The following TGFB1 variants were observed in gnomAD, a reference collection of about 807,000 sequenced individuals.
The protein encoded by TGFB1 is transforming growth factor beta 1.
TGFB1 carries 19 observed loss-of-function variants against 43.8 expected under a neutral mutation model. The observed-to-expected ratio is 0.43, with a 90% CI of 0.30 to 0.64. The LOEUF (loss-of-function observed/expected upper bound fraction) is 0.64, where lower values mean the gene tolerates loss of function less well. Among genes scored for constraint, TGFB1 ranks in the 30% least tolerant of loss-of-function variants. The probability of loss-of-function intolerance (pLI) is 0.11; values close to 1 mark genes in which losing one functional copy is unlikely to be tolerated. For missense variants in TGFB1, 445 were observed against 529.8 expected, an observed-to-expected ratio of 0.84 and a Z score of 1.57; for synonymous variants, 221 against 236.3, an observed-to-expected ratio of 0.94 and a Z score of 0.60.
In TGFB1 at chr19:41,348,423, T is replaced by C. The variant is rs1333379998; in HGVS notation, c.388A>G (p.Ser130Gly). Residue 130 changes from serine (S) to glycine (G), a missense_variant, in exon 2 of 7, where the codon AGC becomes GGC. This residue lies in a region of TGFB1 where 366 missense variants were observed against 428.8 expected (regional missense o/e 0.85). Transcript: ENST00000221930. ...IYDKFKQSTHSIYMFFNTSEL... is the reference protein window; with the variant it reads ...IYDKFKQSTHGIYMFFNTSEL... The stretch of plus-strand genomic sequence containing the variant: ...GATGTGTTGAAGAACATATATATGC[T>C]GTGTGTACTCTGCTTGAACTTGTCA... The C allele has an allele frequency of 6.2e-7, 1 of 1,613,224 alleles. No homozygotes were observed. The highest frequency in any genetic ancestry group is 8.5e-7 in the Non-Finnish European group (1 of 1,179,554).
intron 2 of TGFB1, 139 bp from the exon 3 acceptor site, chr19:41,345,003 C>G (rs2038100165): frequency 3.8e-6 from 3 of 782,848 alleles, no homozygotes; most frequent in African/African-American, 1.7e-5. Context: ...CTCAGACAGC[C>G]ACCTGTGTGG....
intron 5 of TGFB1, among the ~76,000 whole-genome samples, chr19:41,332,560 G>C (rs143069059): frequency 1.3e-5 from 2 of 152,304 alleles, no homozygotes; most frequent in Non-Finnish European, 1.5e-5. Flanking sequence ...TCCACGGGGG[G>C]GCTAAATAAA....
intron 6 of TGFB1, among the ~76,000 whole-genome samples, chr19:41,331,666 A>C (rs2037933055): frequency 1.4e-5 from 2 of 139,994 alleles, no homozygotes; most frequent in African/African-American, 5.4e-5. Flanking sequence ...CTCCTGCTTC[A>C]GCGTCCCAAA....
rs748135261 is a variant in TGFB1, at chr19:41,332,175, G to A, written c.967C>T (p.Leu323Phe). Residue 323 changes from leucine (L) to phenylalanine (F), a missense_variant, in exon 6 of 7, where the codon CTC (leucine) becomes TTC (phenylalanine). Physicochemically the swap from Leu to Phe is conservative, Grantham distance 22. Transcript: ENST00000221930. ...EPKGYHANFC[L>F]GPCPYIWSLD... ...CTCCAAATGTAGGGGCAGGGCCCGA[G>A]GCAGAAGTTGGCATGGTAGCCCTTG... 8 of 1,614,078 alleles carry A rather than the reference G, an allele frequency of 5.0e-6. No homozygotes were observed. In the African/African-American group the frequency reaches 1.1e-4, roughly 22 times the overall value.
rs373830946 is a variant in TGFB1 at position 41,335,994 on chromosome 19, G to GTT, written c.861-3715_861-3714dup. On this transcript the variant is annotated intron_variant, in intron 5 of 6. Coordinates refer to ENST00000221930, the MANE Select transcript of TGFB1 (RefSeq NM_000660.7). ...CTTAAGAACAAATTTTCCTATGAAA[G>GTT]TTTTTTTTTTTTTTTTTTGAGATGG... Among the ~76,000 whole-genome samples the GTT allele has an allele frequency of 8.9e-4, 120 of 134,906 alleles. 1 individual carries two copies. Among genetic ancestry groups the GTT allele is most frequent in the South Asian group, 7.5e-3 (31 of 4,152 alleles). The allele number at this position is 134,906 out of a possible 152,430, so 88.5% of individuals were successfully genotyped here.
rs1412857897 is a variant in TGFB1, at chr19:41,331,144, G to C, written c.1081C>G (p.Leu361Val). ...SAAPCCVPQA[L>V]EPLPIVYYVG... ...TAGTACACGATGGGCAGCGGCTCCAGCGCCTGCGGCACGCAGCACGGCGCC... is the reference window on the plus strand; with the variant it reads ...TAGTACACGATGGGCAGCGGCTCCACCGCCTGCGGCACGCAGCACGGCGCC... Residue 361 changes from leucine (L) to valine (V), a missense_variant, in exon 7 of 7, where the codon CTG becomes GTG. Leu to Val is a conservative substitution (Grantham distance 32). Around this residue, in one of 3 missense-constraint regions of TGFB1, gnomAD observed 56 missense variants for 46.9 expected, o/e 1.19. Transcript: ENST00000221930. The C allele has an allele frequency of 1.3e-6, 2 of 1,569,202 alleles. No homozygotes were observed. Among genetic ancestry groups the C allele is most frequent in the East Asian group, 2.3e-5 (1 of 42,970 alleles).
At chr19:41,341,466 CAAAAAAAAAAAAAAAA>C (rs770264069) in intron 5 of TGFB1, among the ~76,000 whole-genome samples, 1 of 35,586 alleles carries the variant, frequency 2.8e-5, no homozygotes, top group African/African-American at 1.2e-4. Context: ...GACTCTGTCT[CAAAAAAAAAAAAAAAA>C]AAAAAAAAAG....
chr19:41,335,761 G>A (rs551623471), intron 5 of TGFB1, among the ~76,000 whole-genome samples: 22 of 152,132 alleles, frequency 1.4e-4, no homozygotes, highest in Non-Finnish European at 1.6e-4. Flanking sequence ...AGCCAAGACC[G>A]GTGAATCGCT....
Position 41,331,227 on chromosome 19 carries a change from G to A in TGFB1, c.1015-17C>T. ...GGCCAGGACCTGCGGGCGGCGGGCG[G>A]GGTCAGGGCTCAGGGCTCGTGGAGG... On this transcript the variant is annotated splice_polypyrimidine_tract_variant and intron_variant, in intron 6 of 6. Coordinates refer to ENST00000221930, the MANE Select transcript of TGFB1 (RefSeq NM_000660.7). 6.6e-7 allele frequency: 1 copy of A among 1,504,164 alleles called. No homozygotes were observed. 93.2% of individuals were successfully genotyped at this position (1,504,164 alleles called of 1,614,324 possible).
In TGFB1 at chr19:41,333,538, C is replaced by T. The variant is rs569987314; in HGVS notation, c.861-1257G>A. On this transcript the variant is annotated intron_variant, in intron 5 of 6. Coordinates refer to ENST00000221930, the MANE Select transcript of TGFB1 (RefSeq NM_000660.7). ...TATTTATTCTTTTTAATTTGTTATT[C>T]TTTTTAGAGACACGGTCTCACTATG... Among the ~76,000 whole-genome samples, 1,130 of 152,102 alleles carry T rather than the reference C, an allele frequency of 7.4e-3. 6 individuals are homozygous for T. The highest frequency in any genetic ancestry group is 0.013 in the Non-Finnish European group (858 of 67,982).
intron 2 of TGFB1, among the ~76,000 whole-genome samples, chr19:41,346,828 C>A (rs573234602): frequency 1.5e-4 from 23 of 151,996 alleles, no homozygotes; most frequent in Non-Finnish European, 3.2e-4. Context: ...TGGGGTCAAG[C>A]GATTCTCCCA....
rs281865484 is a variant in TGFB1 at position 41,348,306 on chromosome 19, C to G, written c.505G>C (p.Glu169Gln). ...GCTCATGTCCTCACCTGGTACAGCTCCACGTGCTGCTCCACTTTTAACTTG... is the reference window on the plus strand; with the variant it reads ...GCTCATGTCCTCACCTGGTACAGCTGCACGTGCTGCTCCACTTTTAACTTG... ...RLKLKVEQHVELYQKYSNNSW... is the reference protein window; with the variant it reads ...RLKLKVEQHVQLYQKYSNNSW... Residue 169 changes from glutamate (E) to glutamine (Q), a missense_variant, in exon 2 of 7, where the codon GAG becomes CAG. Glu to Gln is a conservative substitution (Grantham distance 29, BLOSUM62 2). Transcript: ENST00000221930. 1.2e-6 allele frequency: 2 copies of G among 1,613,016 alleles called. No individual in the cohort carries two copies. The highest frequency in any genetic ancestry group is 1.7e-6 in the Non-Finnish European group (2 of 1,179,688).
intron 5 of TGFB1, among the ~76,000 whole-genome samples, chr19:41,332,851 A>G (rs957717593): frequency 6.6e-6 from 1 of 152,192 alleles, no homozygotes; most frequent in African/African-American, 2.4e-5. Flanking sequence ...CCTGGACAAC[A>G]AAGTGCAAGA....
Position 41,353,120 on chromosome 19 carries a change from G to A in TGFB1, c.-76C>T, listed in dbSNP as rs201994282. 1.4e-6 allele frequency: 2 copies of A among 1,422,028 alleles called. No homozygotes were observed. 88.1% of individuals were successfully genotyped at this position (1,422,028 alleles called of 1,614,324 possible). ...TGGTGGGGAGGCCCCGCCCCTGCAG[G>A]GGCTGGGGGTCTCCCGGCAAAAGGT... On this transcript the variant is annotated 5_prime_UTR_variant, in exon 1 of 7. Coordinates refer to ENST00000221930, the MANE Select transcript of TGFB1 (RefSeq NM_000660.7). The surrounding 1 kb of genome is among the most constrained non-coding windows in gnomAD (Gnocchi z 5.9).
chr19:41,334,276 G>T (rs958474091), intron 5 of TGFB1, among the ~76,000 whole-genome samples: 2 of 152,066 alleles, frequency 1.3e-5, no homozygotes, highest in Non-Finnish European at 2.9e-5. Context: ...TCAGGAGGCT[G>T]AGGCACAAGA....
Position 41,352,675 on chromosome 19 carries a change from C to A in TGFB1, c.355+15G>T, listed in dbSNP as rs141692355. The stretch of plus-strand genomic sequence containing the variant: ...GGGGGCCCCCCTCCCGGCTCCCCTG[C>A]CCCTCCGAGCTCACCGTTGTGGGTT... On this transcript the variant is annotated intron_variant, in intron 1 of 6. Coordinates refer to ENST00000221930, the MANE Select transcript of TGFB1 (RefSeq NM_000660.7). The A allele has an allele frequency of 1.2e-6, 2 of 1,612,426 alleles. No individual in the cohort carries two copies. Among genetic ancestry groups the A allele is most frequent in the Admixed American group, 1.7e-5 (1 of 59,940 alleles).
At chr19:41,336,077 C>A (rs2037985492) in intron 5 of TGFB1, among the ~76,000 whole-genome samples, 1 of 149,580 alleles carries the variant, frequency 6.7e-6, no homozygotes, top group African/African-American at 2.5e-5. Context: ...CTCACTGCAA[C>A]CTCCATGTCC....
intron 5 of TGFB1, among the ~76,000 whole-genome samples, chr19:41,340,719 T>C (rs2038045597): frequency 6.6e-6 from 1 of 152,156 alleles, no homozygotes; most frequent in South Asian, 2.1e-4. Flanking sequence ...AAAACAGAAT[T>C]CTACCACTGT....
intron 5 of TGFB1, among the ~76,000 whole-genome samples, chr19:41,339,669 C>G (rs11466341): frequency 0.049 from 7,486 of 151,644 alleles, 218 homozygotes; most frequent in South Asian, 0.076. Flanking sequence ...CTAAAAAAAC[C>G]AAAAATTAGC....
Sources: allele counts gnomAD v4.1 joint callset (sites outside exome capture counted in the v4.1 genomes callset), GRCh38; gene constraint gnomAD v4.1.1; regional missense constraint gnomAD v4.1.1; non-coding constraint Gnocchi (gnomAD v3.1); transcripts MANE v1.5; gene names NCBI Gene and HGNC (gene_info 2026-07-23, HGNC 2026-07-21).